POLR1A: variants seen among roughly 807,000 people sequenced by gnomAD.
POLR1A encodes DNA-directed RNA polymerase I subunit RPA1.
Under a neutral mutation model 205.3 loss-of-function variants are expected in POLR1A, and 84 were observed. That is an observed-to-expected ratio of 0.41 (90% CI 0.34 to 0.49). POLR1A has a LOEUF of 0.49. POLR1A is among the 20% of genes least tolerant of loss of function. The pLI is 0.22. For missense variants in POLR1A, 1,645 were observed against 2,204.5 expected, an observed-to-expected ratio of 0.75 and a Z score of 5.08; for synonymous variants, 799 against 863.7, an observed-to-expected ratio of 0.93 and a Z score of 1.31.
At chr2:86,041,772 T>C in intron 24 of POLR1A, 117 bp downstream of exon 24, 1 of 839,360 alleles carries the variant, frequency 1.2e-6, no homozygotes, top group Non-Finnish European at 2.0e-6. Flanking sequence ...TCCCTCTAGC[T>C]GAAGTCTCAA....
intron 3 of POLR1A, 35 bp downstream of exon 3, chr2:86,098,576 T>G: frequency 6.2e-7 from 1 of 1,608,086 alleles, no homozygotes; most frequent in South Asian, 1.1e-5. Context: ...CCACTTTGCC[T>G]TTTCTGATTT....
intron 15 of POLR1A, among the ~76,000 whole-genome samples, chr2:86,053,274 C>T (rs1401551667): frequency 1.3e-5 from 2 of 152,034 alleles, no homozygotes; most frequent in Non-Finnish European, 2.9e-5. Flanking sequence ...TACACACACA[C>T]TCACACTCTC....
chr2:86,059,898 T>C (rs770763164), intron 14 of POLR1A, among the ~76,000 whole-genome samples: 4 of 152,164 alleles, frequency 2.6e-5, no homozygotes, highest in African/African-American at 4.8e-5. Flanking sequence ...AGAGTATGTG[T>C]GTATATGGAG....
At chr2:86,072,660 C>T (rs1365572116) in intron 12 of POLR1A, among the ~76,000 whole-genome samples, 1 of 152,260 alleles carries the variant, frequency 6.6e-6, no homozygotes, top group Non-Finnish European at 1.5e-5. Context: ...GGCTCGGAGC[C>T]AAAGGCCTGC....
At position 86,047,162 on chromosome 2, in the gene POLR1A, T is replaced by C. The variant is rs1257750787; in HGVS notation, c.2733+3A>G. The C allele has an allele frequency of 6.2e-7, 1 of 1,611,538 alleles. No homozygotes were observed. The highest frequency in any genetic ancestry group is 1.3e-5 in the African/African-American group (1 of 74,888). On this transcript the variant is annotated splice_donor_region_variant and intron_variant, in intron 19 of 33. Transcript: ENST00000263857. ...AAAGCTGCCAACCCGCCTCTGCACA[T>C]ACCTGCATCGTGTTCACAGTTGAAC... is the stretch of plus-strand genomic sequence containing the variant.
intron 11 of POLR1A, among the ~76,000 whole-genome samples, chr2:86,076,612 G>A (rs1673288477): frequency 6.6e-6 from 1 of 152,182 alleles, no homozygotes; most frequent in Non-Finnish European, 1.5e-5. Context: ...GGCCACCATG[G>A]CCCTGAGACT....
chr2:86,053,368 G>A (rs964408935), intron 15 of POLR1A, among the ~76,000 whole-genome samples: 18 of 151,970 alleles, frequency 1.2e-4, no homozygotes, highest in Admixed American at 2.0e-4. Context: ...ACCTGTGACC[G>A]GACATGGGAG....
rs1673384868 is a variant in POLR1A at position 86,080,732 on chromosome 2, C to T, written c.1086+84G>A. 7.4e-6 allele frequency: 10 copies of T among 1,357,492 alleles called. No homozygotes were observed. The Admixed American group carries it at 2.3e-4, about 31-fold the overall frequency. 84.1% of individuals were successfully genotyped at this position (1,357,492 alleles called of 1,614,324 possible). ...CACAGAACATCCCAGGAAGCATCTCCCAGACCCAGTGTCTACATCCACAGC... is the reference window on the plus strand; with the variant it reads ...CACAGAACATCCCAGGAAGCATCTCTCAGACCCAGTGTCTACATCCACAGC... On this transcript the variant is annotated intron_variant, in intron 9 of 33. Coordinates refer to ENST00000263857, the MANE Select transcript of POLR1A (RefSeq NM_015425.6).
Position 86,105,828 on chromosome 2 carries a change from CCTGA to C in POLR1A, c.-56_-53del. The C allele has an allele frequency of 6.9e-7, 1 of 1,445,782 alleles. No individual in the cohort carries two copies. The highest frequency in any genetic ancestry group is 1.4e-5 in the African/African-American group (1 of 71,776). 89.6% of individuals were successfully genotyped at this position (1,445,782 alleles called of 1,614,324 possible). Reference sequence around the variant, plus strand: ...ACCCCAAGAGACGTTCCACTCACCACCTGACTATTCTTAATTCAACCTCAAGCCC... The same window carrying C: ...ACCCCAAGAGACGTTCCACTCACCACCTATTCTTAATTCAACCTCAAGCCC... On this transcript the variant is annotated 5_prime_UTR_variant, in exon 1 of 34. Transcript: ENST00000263857.
At chr2:86,065,501 A>ATCTT (rs1400716503) in intron 13 of POLR1A, 36 bp from the exon 14 acceptor site, 1 of 1,578,914 alleles carries the variant, frequency 6.3e-7, no homozygotes, top group South Asian at 1.1e-5. Context: ...GAAGAATGAA[A>ATCTT]ATAAATCTTA....
Position 86,052,818 on chromosome 2 carries a change from C to G in POLR1A, c.2391G>C (p.Leu797Phe), listed in dbSNP as rs1280881510. The G allele has an allele frequency of 6.5e-7, 1 of 1,529,576 alleles. No homozygotes were observed. The highest frequency in any genetic ancestry group is 8.8e-7 in the Non-Finnish European group (1 of 1,135,668). 94.8% of individuals were successfully genotyped at this position (1,529,576 alleles called of 1,614,324 possible). A position where few individuals can be genotyped will look rare whatever the true frequency, so the allele number is the denominator to read the frequency against. ...CAGGGCAGCGAGCCCGGCACTTACCCAAGGTGAAGCCTCTGTAGAGCTGCA... is the reference window on the plus strand; with the variant it reads ...CAGGGCAGCGAGCCCGGCACTTACCGAAGGTGAAGCCTCTGTAGAGCTGCA... ...AYLQLYRGFT[L>F]GVEDILVKPK... The change falls in exon 16 of 34, where the codon TTG (leucine) becomes TTC (phenylalanine). Residue 797 changes from leucine (L) to phenylalanine (F), a missense_variant and splice_region_variant. By Grantham distance (22) the Leu-to-Phe change is conservative (BLOSUM62 0). Transcript: ENST00000263857.
At chr2:86,065,606 T>C in intron 13 of POLR1A, 141 bp from the exon 14 acceptor site, 1 of 684,168 alleles carries the variant, frequency 1.5e-6, no homozygotes, top group Non-Finnish European at 2.5e-6. Flanking sequence ...ATCCTCACTA[T>C]GTTCTTGCTT....
intron 14 of POLR1A, among the ~76,000 whole-genome samples, chr2:86,060,262 A>C (rs1004478611): frequency 6.6e-6 from 1 of 152,232 alleles, no homozygotes; most frequent in African/African-American, 2.4e-5. Context: ...TGCAATCCCA[A>C]TGAAAAATTC....
chr2:86,027,824 G>C (rs951546433), intron 33 of POLR1A, 61 bp downstream of exon 33: 2 of 1,560,298 alleles, frequency 1.3e-6, no homozygotes, highest in African/African-American at 2.7e-5. Flanking sequence ...GCCCATGGGT[G>C]AGCCCGTGTG....
At chr2:86,104,025 T>C (rs1673871185) in intron 1 of POLR1A, among the ~76,000 whole-genome samples, 1 of 152,214 alleles carries the variant, frequency 6.6e-6, no homozygotes, top group Non-Finnish European at 1.5e-5. Flanking sequence ...ATAGCTAAAA[T>C]CAGCATTGGT....
chr2:86,069,124 C>G (rs1423410948), intron 13 of POLR1A, among the ~76,000 whole-genome samples: 2 of 152,168 alleles, frequency 1.3e-5, no homozygotes, highest in African/African-American at 4.8e-5. Context: ...AAATGAGGAG[C>G]CTCTAAAGTG....
rs1673781069 is a variant in POLR1A at position 86,099,872 on chromosome 2, GGGCT to G, written c.282+92_282+95del. On this transcript the variant is annotated intron_variant, in intron 2 of 33. Transcript: ENST00000263857. ...CAGAATGCTTTCATTGGAGTGCCTG[GGGCT>G]TAACCTCCTTAGACCACTCTTGTGG... The G allele has an allele frequency of 3.1e-6, 3 of 970,410 alleles. No individual in the cohort carries two copies. The East Asian group carries it at 7.4e-5, about 24-fold the overall frequency. 60.1% of individuals were successfully genotyped at this position (970,410 alleles called of 1,614,324 possible).
intron 3 of POLR1A, among the ~76,000 whole-genome samples, chr2:86,097,239 A>AAAAAAAAAAAAC: frequency 1.3e-5 from 2 of 148,916 alleles, no homozygotes; most frequent in Admixed American, 1.3e-4. Context: ...AAAAAAAAAA[A>AAAAAAAAAAAAC]AAAGCAAATG....
intron 6 of POLR1A, among the ~76,000 whole-genome samples, chr2:86,084,633 TCTACA>T (rs1457185892): frequency 1.3e-5 from 2 of 151,490 alleles, no homozygotes; most frequent in Non-Finnish European, 2.9e-5. Context: ...CCTAAGATAG[TCTACA>T]CTTAAAAACA....
Sources: gnomAD v4.1 joint callset for allele counts (sites outside exome capture counted in the v4.1 genomes callset) on GRCh38, gnomAD v4.1.1 for gene constraint, MANE v1.5 for transcripts, NCBI Gene and HGNC (gene_info 2026-07-23, HGNC 2026-07-21) for gene names.